DMD: variants seen among roughly 807,000 people sequenced by gnomAD.
DMD encodes the protein dystrophin, also known as mutant dystrophin.
DMD carries 63 observed loss-of-function variants against 330.1 expected under a neutral mutation model. The ratio of observed to expected loss-of-function variants is 0.19; its 90% CI spans 0.16 to 0.24. The LOEUF (loss-of-function observed/expected upper bound fraction) is 0.24, where lower values mean the gene tolerates loss of function less well. Ranked by LOEUF, DMD falls within the 10% of genes least tolerant of loss-of-function variation. The pLI is 1.00. For synonymous variants in DMD, 1,223 were observed against 959.8 expected (o/e 1.27, Z -5.07); for missense variants, 3,344 against 2,684.1 (o/e 1.25, Z -5.43).
At chrX:32,035,886 A>G (rs770309677) in intron 44 of DMD, among the ~76,000 whole-genome samples, 2 of 111,931 alleles carry the variant, frequency 1.8e-5, no homozygotes, top group East Asian at 5.7e-4. Flanking sequence ...CGGGAATTGT[A>G]CAGACCTTTT....
intron 55 of DMD, among the ~76,000 whole-genome samples, chrX:31,513,683 A>G (rs2071885310): frequency 9.0e-6 from 1 of 111,477 alleles, no homozygotes; most frequent in East Asian, 2.8e-4. Flanking sequence ...CGAATGAACA[A>G]AGGGGAAAAG....
intron 23 of DMD, among the ~76,000 whole-genome samples, chrX:32,466,567 A>T (rs1483615964): frequency 9.0e-6 from 1 of 111,407 alleles, no homozygotes. Context: ...GGGAGATTAT[A>T]CTGGATCATC....
At chrX:31,867,091 G>GATATATATATATATATAT (rs35804192) in intron 48 of DMD, among the ~76,000 whole-genome samples, 11 of 101,306 alleles carry the variant, frequency 1.1e-4, no homozygotes, top group African/African-American at 4.0e-4. Context: ...AACATATTTT[G>GATATATATATATATATAT]ATATATATAT....
intron 1 of DMD, among the ~76,000 whole-genome samples, chrX:33,256,618 A>G (rs147843532): frequency 0.013 from 1,381 of 110,268 alleles, 13 homozygotes; most frequent in Non-Finnish European, 0.018. Flanking sequence ...TACACCTGTC[A>G]TCTCAAAAGA....
chrX:32,689,110 AATG>A (rs2063089946), intron 9 of DMD, among the ~76,000 whole-genome samples: 2 of 111,389 alleles, frequency 1.8e-5, no homozygotes, highest in African/African-American at 6.5e-5. Flanking sequence ...TAGTGGAATA[AATG>A]ATGTATTTTG....
intron 47 of DMD, among the ~76,000 whole-genome samples, chrX:31,911,559 CT>C (rs2094547753): frequency 9.2e-6 from 1 of 108,799 alleles, no homozygotes; most frequent in Non-Finnish European, 1.9e-5. Context: ...TTATTTTAGA[CT>C]ATGGAAATGA....
At chrX:32,624,532 C>T (rs1569332003) in intron 11 of DMD, among the ~76,000 whole-genome samples, 1 of 111,475 alleles carries the variant, frequency 9.0e-6, no homozygotes, top group Non-Finnish European at 1.9e-5. Flanking sequence ...TATGATTGTG[C>T]CCAGTGTTTC....
intron 52 of DMD, among the ~76,000 whole-genome samples, chrX:31,692,509 T>G (rs2083194445): frequency 9.0e-6 from 1 of 110,839 alleles, no homozygotes; most frequent in Non-Finnish European, 1.9e-5. Flanking sequence ...TAAACACAAT[T>G]GACAAATCCT....
intron 60 of DMD, among the ~76,000 whole-genome samples, chrX:31,430,793 CTTTTTTTTTT>C (rs565087970): frequency 8.3e-5 from 4 of 48,336 alleles, no homozygotes; most frequent in Non-Finnish European, 1.1e-4. Flanking sequence ...AAGTTAAGGT[CTTTTTTTTTT>C]TTTTTTTTTT....
intron 9 of DMD, among the ~76,000 whole-genome samples, chrX:32,669,132 T>A (rs1295396117): frequency 9.0e-6 from 1 of 111,361 alleles, no homozygotes; most frequent in African/African-American, 3.3e-5. Flanking sequence ...AACTATCCCA[T>A]CTCCTCCTTA....
At chrX:33,140,925 G>T (rs73190223) in intron 1 of DMD, among the ~76,000 whole-genome samples, 8,631 of 111,473 alleles carry the variant, frequency 0.077, 348 homozygotes, top group South Asian at 0.2. Context: ...CCCATTTAAA[G>T]TTACTGATAT....
intron 2 of DMD, among the ~76,000 whole-genome samples, chrX:32,903,144 C>CAAAAAAAAAAAAAAA (rs34973696): frequency 2.1e-4 from 7 of 32,975 alleles, no homozygotes; most frequent in African/African-American, 4.1e-4. Flanking sequence ...GACTCAGTCT[C>CAAAAAAAAAAAAAAA]AAAAAAAAAA....
At chrX:32,306,781 A>T (rs1345480814) in intron 42 of DMD, among the ~76,000 whole-genome samples, 1 of 110,558 alleles carries the variant, frequency 9.0e-6, no homozygotes, top group Non-Finnish European at 1.9e-5. Context: ...GGAATATTGA[A>T]GGGATGTGGG....
intron 76 of DMD, among the ~76,000 whole-genome samples, chrX:31,137,352 C>T (rs1037018944): frequency 2.7e-5 from 3 of 111,848 alleles, no homozygotes; most frequent in Non-Finnish European, 5.6e-5. Flanking sequence ...TCAGACATCA[C>T]ATATGTGCAT....
intron 29 of DMD, 99 bp from the exon 30 acceptor site, chrX:32,412,012 C>G: frequency 8.4e-7 from 1 of 1,192,594 alleles, no homozygotes; most frequent in Non-Finnish European, 1.1e-6. Context: ...GACTCTTCCA[C>G]AATCACCTTT....
chrX:32,579,172 T>C (rs1036637813), intron 13 of DMD, among the ~76,000 whole-genome samples: 6 of 112,071 alleles, frequency 5.4e-5, no homozygotes, highest in African/African-American at 1.9e-4. Context: ...TGAAGCACCA[T>C]ACTATAAAAT....
chrX:31,867,864 GA>G (rs200794818), intron 48 of DMD, among the ~76,000 whole-genome samples: 4,266 of 107,860 alleles, frequency 0.04, 147 homozygotes, highest in African/African-American at 0.11. Flanking sequence ...TGGCACCAGG[GA>G]AAAAAAAAAT....
intron 7 of DMD, among the ~76,000 whole-genome samples, chrX:32,778,262 T>C (rs1237695014): frequency 2.3e-5 from 2 of 87,595 alleles, no homozygotes; most frequent in East Asian, 7.1e-4. Flanking sequence ...AAAAAAAAAA[T>C]ATGGACTTTC....
chrX:33,130,291 T>C (rs2095491442), intron 1 of DMD, among the ~76,000 whole-genome samples: 1 of 111,903 alleles, frequency 8.9e-6, no homozygotes, highest in South Asian at 3.7e-4. Flanking sequence ...CAGTGCAAGA[T>C]TCCACAATGC....
Sources: gnomAD v4.1 joint callset for allele counts (sites outside exome capture counted in the v4.1 genomes callset) on GRCh38, gnomAD v4.1.1 for gene constraint, MANE v1.5 for transcripts, NCBI Gene and HGNC (gene_info 2026-07-23, HGNC 2026-07-21) for gene names.